Variants in CCPG1 observed in about 807,000 individuals in gnomAD.
CCPG1 encodes the protein cell cycle progression protein 1.
A neutral mutation model predicts 81.3 loss-of-function variants in CCPG1; 46 were observed. The observed-to-expected ratio is 0.57, with a 90% CI of 0.45 to 0.72. The LOEUF is 0.72. CCPG1 is among the 30% of genes least tolerant of loss of function. CCPG1 has a pLI of 0.00. For synonymous variants in CCPG1, 330 were observed against 305.2 expected, an observed-to-expected ratio of 1.08 and a Z score of -0.85; for missense variants, 902 against 937.6, an observed-to-expected ratio of 0.96 and a Z score of 0.50.
chr15:55,358,492 C>T (rs1307615639), intron 8 of CCPG1: 2 of 985,322 alleles, frequency 2.0e-6, no homozygotes, highest in East Asian at 2.3e-4. Flanking sequence ...CTCTTATCCT[C>T]CAGCTCTACC....
intron 2 of CCPG1, among the ~76,000 whole-genome samples, chr15:55,388,418 T>C (rs534914188): frequency 1.3e-5 from 2 of 152,222 alleles, no homozygotes; most frequent in Non-Finnish European, 2.9e-5. Flanking sequence ...GTTCTGGCCT[T>C]TTCCCTGTGA....
intron 5 of CCPG1, chr15:55,374,174 AG>A: frequency 7.8e-7 from 1 of 1,289,068 alleles, no homozygotes; most frequent in South Asian, 1.2e-5. Context: ...CGAGTTGGCT[AG>A]GAACATGGTG....
intron 7 of CCPG1, among the ~76,000 whole-genome samples, chr15:55,363,799 C>CTTTTTTTTTTTTTTTTTTTTTT (rs565044184): frequency 3.2e-5 from 3 of 93,938 alleles, no homozygotes; most frequent in African/African-American, 9.0e-5. Flanking sequence ...TTTCCTTTTC[C>CTTTTTTTTTTTTTTTTTTTTTT]TTTTTTTTTT....
intron 1 of CCPG1, chr15:55,400,016 C>T (rs1477604316): frequency 2.7e-5 from 4 of 149,682 alleles, no homozygotes; most frequent in South Asian, 2.1e-4. Flanking sequence ...CAGCCTGGCC[C>T]GTGGCAAAAC....
Position 55,376,760 on chromosome 15 carries a change from A to T in CCPG1, c.454+189T>A, listed in dbSNP as rs143494188. On this transcript the variant is annotated intron_variant, in intron 5 of 8. Transcript: ENST00000442196. ...AAGATGGTTACTGTTACAGTAAAAG[A>T]TTGCTATGCTCCAGAACAGTCTAGC... Among the ~76,000 whole-genome samples, 274 of 152,314 alleles carry T rather than the reference A, an allele frequency of 1.8e-3. 1 individual carries two copies. The highest frequency in any genetic ancestry group is 6.5e-3 in the African/African-American group (269 of 41,578).
At chr15:55,388,766 T>TAA (rs34570707) in intron 2 of CCPG1, among the ~76,000 whole-genome samples, 1 of 132,200 alleles carries the variant, frequency 7.6e-6, no homozygotes, top group South Asian at 2.4e-4. Context: ...CCTGTCCCTT[T>TAA]AAAAAAAAAA....
intron 6 of CCPG1, among the ~76,000 whole-genome samples, chr15:55,369,072 A>C (rs952113217): frequency 3.3e-5 from 5 of 152,016 alleles, no homozygotes; most frequent in African/African-American, 1.2e-4. Flanking sequence ...AGATCATACC[A>C]CTGCACTCCA....
chr15:55,363,799 CTTTTTTTTTTT>C (rs565044184), intron 7 of CCPG1, among the ~76,000 whole-genome samples: 1 of 93,942 alleles, frequency 1.1e-5, no homozygotes, highest in African/African-American at 4.5e-5. Context: ...TTTCCTTTTC[CTTTTTTTTTTT>C]TTTTTTTTTT....
intron 3 of CCPG1, among the ~76,000 whole-genome samples, chr15:55,385,108 T>G (rs1480105098): frequency 6.6e-6 from 1 of 152,144 alleles, no homozygotes; most frequent in Admixed American, 6.6e-5. Flanking sequence ...AATAAACCCC[T>G]GGGGCAGGCT....
intron 8 of CCPG1, chr15:55,359,258 C>A: frequency 9.1e-7 from 1 of 1,098,654 alleles, no homozygotes. Context: ...AAGAAACAAA[C>A]TTGGCCAAAG....
intron 2 of CCPG1, among the ~76,000 whole-genome samples, chr15:55,386,552 C>A (rs2056802703): frequency 6.6e-6 from 1 of 152,116 alleles, no homozygotes; most frequent in Non-Finnish European, 1.5e-5. Context: ...GAAAGGTCTG[C>A]ATTCTCTTGC....
chr15:55,365,272 TCTGA>T lies in CCPG1; in HGVS notation c.740_743del (p.Val247GlufsTer8), dbSNP rs747987931. The T allele has an allele frequency of 1.9e-6, 3 of 1,551,456 alleles. No homozygotes were observed. The highest frequency in any genetic ancestry group is 2.7e-6 in the Non-Finnish European group (3 of 1,131,336). On this transcript the variant is annotated frameshift_variant, in exon 7 of 9. Transcript: ENST00000442196. LOFTEE classifies it high-confidence loss of function. Reference sequence around the variant, plus strand: ...CATTCAATTCATCTTCATGTATCTTTCTGACTAACTGTTGACGCTTCTGAATCTG... The same window carrying T: ...CATTCAATTCATCTTCATGTATCTTTCTAACTGTTGACGCTTCTGAATCTG...
chr15:55,366,753 CA>C (rs1431105674), intron 6 of CCPG1, among the ~76,000 whole-genome samples: 5 of 152,118 alleles, frequency 3.3e-5, no homozygotes, highest in African/African-American at 1.2e-4. Context: ...GCCTGGGCAA[CA>C]AGAGCGAAAC....
At chr15:55,358,350 G>GCT in intron 8 of CCPG1, 1 of 984,394 alleles carries the variant, frequency 1.0e-6, no homozygotes, top group Non-Finnish European at 1.2e-6. Context: ...ATATCCTGAA[G>GCT]ATAAGGGGGG....
intron 7 of CCPG1, among the ~76,000 whole-genome samples, chr15:55,363,752 G>T (rs944822483): frequency 1.3e-5 from 2 of 148,948 alleles, no homozygotes; most frequent in South Asian, 4.4e-4. Flanking sequence ...AGAATTGGGG[G>T]TGGAAAAATG....
intron 4 of CCPG1, 56 bp from the exon 5 acceptor site, chr15:55,377,206 A>C: frequency 1.6e-6 from 2 of 1,232,578 alleles, no homozygotes; most frequent in East Asian, 2.3e-5. Context: ...AGGGTCTTAC[A>C]TTTTCTTAGA....
At chr15:55,371,081 C>A (rs909255136) in intron 6 of CCPG1, among the ~76,000 whole-genome samples, 4 of 152,024 alleles carry the variant, frequency 2.6e-5, no homozygotes, top group African/African-American at 9.7e-5. Context: ...CCACTGCACT[C>A]CAGCCTGGGC....
Position 55,359,669 on chromosome 15 carries a change from TAAC to T in CCPG1, c.2101_2103del (p.Val701del). 2 of 1,613,506 alleles carry T rather than the reference TAAC, an allele frequency of 1.2e-6. No individual in the cohort carries two copies. The highest frequency in any genetic ancestry group is 1.1e-5 in the South Asian group (1 of 91,024). On this transcript the variant is annotated inframe_deletion, in exon 8 of 9. Coordinates refer to ENST00000442196, the MANE Select transcript of CCPG1 (RefSeq NM_001204450.2). ...TTTCTAAGATAATCTTTAACATCAT[TAAC>T]AAAGTCAGTGAAGAGCTTCTGATCA... is the stretch of plus-strand genomic sequence containing the variant.
At chr15:55,394,316 C>T (rs1039640046) in intron 1 of CCPG1, among the ~76,000 whole-genome samples, 3 of 152,102 alleles carry the variant, frequency 2.0e-5, no homozygotes, top group Admixed American at 6.6e-5. Flanking sequence ...GACTGAATAA[C>T]CAACTATATA....
Sources: allele counts gnomAD v4.1 joint callset (sites outside exome capture counted in the v4.1 genomes callset), GRCh38; gene constraint gnomAD v4.1.1; transcripts MANE v1.5; gene names NCBI Gene and HGNC (gene_info 2026-07-23, HGNC 2026-07-21).